The following ARHGEF12 variants were observed in gnomAD, a reference collection of about 807,000 sequenced individuals.
ARHGEF12 encodes the protein Rho guanine nucleotide exchange factor 12.
A neutral mutation model predicts 211.2 loss-of-function variants in ARHGEF12; 66 were observed. The ratio of observed to expected loss-of-function variants is 0.31; its 90% confidence interval spans 0.26 to 0.38. The LOEUF (loss-of-function observed/expected upper bound fraction) is 0.38, where lower values mean the gene tolerates loss of function less well. Ranked by LOEUF, ARHGEF12 falls within the 10% of genes least tolerant of loss-of-function variation. The probability of loss-of-function intolerance (pLI) is 1.00; values close to 1 mark genes in which losing one functional copy is unlikely to be tolerated. For synonymous variants in ARHGEF12, 592 were observed against 638.4 expected, an observed-to-expected ratio of 0.93 and a Z score of 1.09; for missense variants, 1,429 against 1,869.5, an observed-to-expected ratio of 0.76 and a Z score of 4.34.
chr11:120,369,437 T>C (rs535480270), intron 1 of ARHGEF12, among the ~76,000 whole-genome samples: 11 of 152,224 alleles, frequency 7.2e-5, no homozygotes, highest in African/African-American at 2.7e-4. Context: ...CCAGATCTTT[T>C]GTTTTTAATT....
rs1427835586 is a variant in ARHGEF12 at position 120,480,380 on chromosome 11, G to A, written c.4187G>A (p.Gly1396Asp). Residue 1396 changes from glycine to aspartate, a missense_variant, in exon 38 of 41, where the codon GGT (glycine) becomes GAT (aspartate). This residue lies in a region of ARHGEF12 where 467 missense variants were observed against 468.4 expected (regional missense o/e 1.00). Coordinates refer to ENST00000397843, the MANE Select transcript of ARHGEF12 (RefSeq NM_015313.3). ...EAHSDENPSE[G>D]DGAVNKEEKD... ...CATAGTGATGAGAATCCATCAGAAGGTGATGGAGCAGTTAACAAGGAAGAG... is the reference window on the plus strand; with the variant it reads ...CATAGTGATGAGAATCCATCAGAAGATGATGGAGCAGTTAACAAGGAAGAG... 2.5e-6 allele frequency: 4 copies of A among 1,613,826 alleles called. No individual in the cohort carries two copies. The highest frequency in any genetic ancestry group is 3.4e-6 in the Non-Finnish European group (4 of 1,179,798).
At chr11:120,458,348 A>G (rs1946426031) in intron 25 of ARHGEF12, 114 bp downstream of exon 25, 3 of 1,224,600 alleles carry the variant, frequency 2.4e-6, no homozygotes, top group Non-Finnish European at 3.4e-6. Flanking sequence ...TTTGTTTTAA[A>G]CAAAGAGGAA....
At chr11:120,434,560 G>A (rs972219142) in intron 11 of ARHGEF12, among the ~76,000 whole-genome samples, 10 of 152,122 alleles carry the variant, frequency 6.6e-5, no homozygotes, top group African/African-American at 2.4e-4. Context: ...ACAGTACTTT[G>A]AGTCGCGGTT....
intron 1 of ARHGEF12, among the ~76,000 whole-genome samples, chr11:120,347,270 CTG>C (rs55651421): frequency 0.012 from 965 of 79,612 alleles, 10 homozygotes; most frequent in Middle Eastern, 0.044. Flanking sequence ...CTCTCTCTGT[CTG>C]TGTGTGTGTG....
At chr11:120,457,834 A>T in intron 24 of ARHGEF12, 78 bp downstream of exon 24, 1 of 1,462,806 alleles carries the variant, frequency 6.8e-7, no homozygotes, top group Non-Finnish European at 9.4e-7. Context: ...GTTTCATTTT[A>T]AAGGAAAAGA....
intron 1 of ARHGEF12, among the ~76,000 whole-genome samples, chr11:120,363,502 G>A (rs1289446616): frequency 6.6e-6 from 1 of 151,958 alleles, no homozygotes; most frequent in East Asian, 1.9e-4. Flanking sequence ...AGTTAATACT[G>A]GTTTTCTATT....
Position 120,465,287 on chromosome 11 carries a change from C to T in ARHGEF12, c.2664C>T (p.Cys888=). Residue 888 remains cysteine (C), a synonymous_variant, in exon 28 of 41, where the codon TGC becomes TGT. Coordinates refer to ENST00000397843, the MANE Select transcript of ARHGEF12 (RefSeq NM_015313.3). ...TGAAACATGCTGCTGCTACCTTTTG[C>T]AGTAACCAACCTTTCGCCCTGGAAA... ...EKLKHAAATF[C]SNQPFALEMI... 2.5e-6 allele frequency: 4 copies of T among 1,614,116 alleles called. No individual in the cohort carries two copies. Among genetic ancestry groups the T allele is most frequent in the African/African-American group, 2.7e-5 (2 of 75,030 alleles).
chr11:120,421,961 T>TAGAA, intron 6 of ARHGEF12, 109 bp downstream of exon 6: 13 of 771,402 alleles, frequency 1.7e-5, no homozygotes, highest in South Asian at 3.6e-5. Context: ...CATACTTCTA[T>TAGAA]GTATGATAGA....
At chr11:120,343,314 G>A (rs1001972608) in intron 1 of ARHGEF12, among the ~76,000 whole-genome samples, 1 of 151,906 alleles carries the variant, frequency 6.6e-6, no homozygotes, top group Admixed American at 6.6e-5. Context: ...TTGTATTTTG[G>A]TAATACTAAA....
intron 1 of ARHGEF12, chr11:120,337,825 A>G: frequency 2.0e-6 from 2 of 985,462 alleles, no homozygotes; most frequent in Non-Finnish European, 2.4e-6. Flanking sequence ...CCAGTAAATC[A>G]CAGGTTCTTG....
chr11:120,477,874 AG>A lies in ARHGEF12; in HGVS notation c.3533-281del, dbSNP rs199800298. ...AAGACCGAAACACCAAAAAAAAAAAAGAAAAAAAGAAAAAAAAGAAAATAAA... is the reference window on the plus strand; with the variant it reads ...AAGACCGAAACACCAAAAAAAAAAAAAAAAAAAGAAAAAAAAGAAAATAAA... On this transcript the variant is annotated intron_variant, in intron 36 of 40. Coordinates refer to ENST00000397843, the MANE Select transcript of ARHGEF12 (RefSeq NM_015313.3). Among the ~76,000 whole-genome samples, 341 of 147,602 alleles carry A rather than the reference AG, an allele frequency of 2.3e-3. 13 individuals are homozygous for A. Among genetic ancestry groups the A allele is most frequent in the Middle Eastern group, 7.0e-3 (2 of 286 alleles).
At chr11:120,461,071 A>G (rs962321426) in intron 27 of ARHGEF12, among the ~76,000 whole-genome samples, 2 of 152,188 alleles carry the variant, frequency 1.3e-5, no homozygotes, top group African/African-American at 4.8e-5. Flanking sequence ...GAAGTCACCT[A>G]TGAGGGTTGG....
At chr11:120,420,926 C>A (rs535630194) in intron 5 of ARHGEF12, 75 bp downstream of exon 5, 21 of 1,255,256 alleles carry the variant, frequency 1.7e-5, no homozygotes, top group African/African-American at 1.3e-4. Context: ...ATGGCAATTG[C>A]CAAGAATAGA....
intron 1 of ARHGEF12, among the ~76,000 whole-genome samples, chr11:120,392,543 A>G (rs147686565): frequency 1.3e-3 from 194 of 152,290 alleles, no homozygotes; most frequent in African/African-American, 4.2e-3. Context: ...GTAACGGAAA[A>G]CACAAGTCAA....
chr11:120,471,001 G>A (rs1385706923), intron 30 of ARHGEF12, among the ~76,000 whole-genome samples: 1 of 152,150 alleles, frequency 6.6e-6, no homozygotes, highest in Admixed American at 6.5e-5. Context: ...GGCATACTCA[G>A]GCTGGTTATC....
At chr11:120,389,071 A>T (rs1944129791) in intron 1 of ARHGEF12, among the ~76,000 whole-genome samples, 1 of 151,884 alleles carries the variant, frequency 6.6e-6, no homozygotes. Context: ...GAGTTTCATC[A>T]TGTTAGCCAG....
Position 120,374,034 on chromosome 11 carries a change from C to T in ARHGEF12, c.33-32084C>T, listed in dbSNP as rs1458028188. ...GTTAGTCAGGTTGGGCTCGAACTCC[C>T]GACCTCAGGTGATCCGCCCGCCTTG... On this transcript the variant is annotated intron_variant, in intron 1 of 40. Coordinates refer to ENST00000397843, the MANE Select transcript of ARHGEF12 (RefSeq NM_015313.3). 4.6e-5 allele frequency among the ~76,000 whole-genome samples: 7 copies of T among 152,048 alleles called. No homozygotes were observed. In the East Asian group the frequency reaches 5.8e-4, roughly 13 times the overall value.
intron 11 of ARHGEF12, among the ~76,000 whole-genome samples, chr11:120,432,883 C>CA (rs1945591242): frequency 6.6e-6 from 1 of 151,978 alleles, no homozygotes; most frequent in Admixed American, 6.5e-5. Context: ...GTTCCTCATG[C>CA]AAAAAACAAA....
At chr11:120,422,934 C>G (rs148140198) in intron 6 of ARHGEF12, among the ~76,000 whole-genome samples, 1 of 152,158 alleles carries the variant, frequency 6.6e-6, no homozygotes, top group East Asian at 1.9e-4. Context: ...AAATAATTGA[C>G]TAATTTGATT....
Sources: allele counts gnomAD v4.1 joint callset (sites outside exome capture counted in the v4.1 genomes callset), GRCh38; gene constraint gnomAD v4.1.1; regional missense constraint gnomAD v4.1.1; transcripts MANE v1.5; gene names NCBI Gene and HGNC (gene_info 2026-07-23, HGNC 2026-07-21).